Variants in RAB23 observed in about 807,000 individuals in gnomAD.
The protein encoded by RAB23 is RAB23, member RAS oncogene family.
A neutral mutation model predicts 30.0 loss-of-function variants in RAB23; 15 were observed. The observed-to-expected ratio is 0.50, with a 90% CI of 0.33 to 0.77. The LOEUF (loss-of-function observed/expected upper bound fraction) is 0.77. Among genes scored for constraint, RAB23 ranks in the 30% least tolerant of loss-of-function variants. The pLI is 0.02. For synonymous variants in RAB23, 93 were observed against 94.0 expected (o/e 0.99, Z 0.06); for missense variants, 243 against 275.4 (o/e 0.88, Z 0.83).
At chr6:57,195,811 T>A (rs566148361) in intron 4 of RAB23, among the ~76,000 whole-genome samples, 18 of 152,272 alleles carry the variant, frequency 1.2e-4, no homozygotes, top group African/African-American at 3.8e-4. Flanking sequence ...ATTCTCAAAC[T>A]CCTGATCTAC....
intron 2 of RAB23, among the ~76,000 whole-genome samples, chr6:57,209,510 T>A (rs769147610): frequency 6.6e-6 from 1 of 152,226 alleles, no homozygotes; most frequent in Non-Finnish European, 1.5e-5. Context: ...GACTAGAAAT[T>A]AATCTTTAAA....
chr6:57,197,912 CTTTG>C (rs1334755365), intron 3 of RAB23, among the ~76,000 whole-genome samples: 1 of 151,960 alleles, frequency 6.6e-6, no homozygotes, highest in Non-Finnish European at 1.5e-5. Context: ...ACAGCTAATT[CTTTG>C]TTTTTTTGTT....
At chr6:57,203,000 GT>G (rs1170559704) in intron 3 of RAB23, among the ~76,000 whole-genome samples, 7,938 of 82,366 alleles carry the variant, frequency 0.096, 62 homozygotes, top group Non-Finnish European at 0.12. Context: ...AAGATAGGCT[GT>G]TTTTTTTTTT....
chr6:57,212,718 C>CAAA (rs35931979), intron 1 of RAB23, among the ~76,000 whole-genome samples: 1 of 89,248 alleles, frequency 1.1e-5, no homozygotes, highest in Non-Finnish European at 2.4e-5. Context: ...CTGTCTCTAC[C>CAAA]AAAAAAAAAA....
chr6:57,197,249 G>T (rs952069947), intron 3 of RAB23, among the ~76,000 whole-genome samples: 3 of 152,074 alleles, frequency 2.0e-5, no homozygotes, highest in African/African-American at 7.2e-5. Context: ...GGGGTTGGGG[G>T]AAACTTAGTT....
chr6:57,199,953 T>C (rs568231927), intron 3 of RAB23, among the ~76,000 whole-genome samples: 216 of 152,330 alleles, frequency 1.4e-3, no homozygotes, highest in African/African-American at 5.0e-3. Context: ...ATGGTTCTTT[T>C]ATGTTTGGAA....
chr6:57,206,636 G>A (rs982485334), intron 3 of RAB23, among the ~76,000 whole-genome samples: 23 of 152,076 alleles, frequency 1.5e-4, no homozygotes, highest in Non-Finnish European at 2.6e-4. Context: ...GAGAAAAGAG[G>A]AGGAATGGTG....
rs144456434 is a variant in RAB23 at position 57,196,289 on chromosome 6, T to A, written c.398+161A>T. 3.5e-3 allele frequency among the ~76,000 whole-genome samples: 530 copies of A among 152,290 alleles called. 1 individual carries two copies. Among genetic ancestry groups the A allele is most frequent in the African/African-American group, 0.012 (511 of 41,568 alleles). ...TTTAACCCAAACCAATCACATAGAA[T>A]AGCTCACAGAAATTTTAGGTAAATT... On this transcript the variant is annotated intron_variant, in intron 4 of 6. Transcript: ENST00000468148.
intron 6 of RAB23, among the ~76,000 whole-genome samples, chr6:57,191,406 T>A (rs1764834423): frequency 6.6e-6 from 1 of 152,226 alleles, no homozygotes; most frequent in Non-Finnish European, 1.5e-5. Flanking sequence ...TCTTTTGACT[T>A]AACAATTTAT....
Position 57,188,427 on chromosome 6 carries a change from C to CT in RAB23, c.*2033dup, listed in dbSNP as rs1296255531. On this transcript the variant is annotated 3_prime_UTR_variant, in exon 7 of 7. Coordinates refer to ENST00000468148, the MANE Select transcript of RAB23 (RefSeq NM_016277.5). ...GAACTGTAACTATCCTCAGAGATTA[C>CT]TTTTTTTAAATATAGAAAGGTAACA... 1 of 152,112 alleles carries CT rather than the reference C, an allele frequency of 6.6e-6. No individual in the cohort carries two copies. The highest frequency in any genetic ancestry group is 1.5e-5 in the Non-Finnish European group (1 of 68,014). 9.4% of individuals were successfully genotyped at this position (152,112 alleles called of 1,614,324 possible). A position where few individuals can be genotyped will look rare whatever the true frequency, so the allele number is the denominator to read the frequency against.
intron 3 of RAB23, among the ~76,000 whole-genome samples, chr6:57,203,960 C>A (rs902957579): frequency 5.3e-5 from 8 of 152,120 alleles, no homozygotes; most frequent in Non-Finnish European, 7.4e-5. Context: ...AGTCAAGTTT[C>A]CTTGGTACCA....
intron 3 of RAB23, among the ~76,000 whole-genome samples, chr6:57,202,065 T>A (rs1183260432): frequency 6.6e-6 from 1 of 152,254 alleles, no homozygotes; most frequent in Non-Finnish European, 1.5e-5. Context: ...ATTGTTCTTT[T>A]TAAAATTTTA....
chr6:57,206,905 T>C (rs1645907918), intron 3 of RAB23, among the ~76,000 whole-genome samples: 1 of 152,224 alleles, frequency 6.6e-6, no homozygotes. Flanking sequence ...TAAATACCTG[T>C]CAATATGAAT....
At chr6:57,211,611 T>C (rs910214891) in intron 1 of RAB23, among the ~76,000 whole-genome samples, 3 of 152,230 alleles carry the variant, frequency 2.0e-5, no homozygotes, top group African/African-American at 7.2e-5. Context: ...TTTTGTATAA[T>C]AGTGTACGAC....
intron 3 of RAB23, among the ~76,000 whole-genome samples, chr6:57,196,824 T>C (rs1046712622): frequency 1.3e-5 from 2 of 152,168 alleles, no homozygotes; most frequent in Non-Finnish European, 2.9e-5. Flanking sequence ...ACTACTCTTC[T>C]TTACTTTTCA....
rs113491989 is a variant in RAB23, at chr6:57,199,277, A to C, written c.242-2671T>G. 4.7e-4 allele frequency among the ~76,000 whole-genome samples: 72 copies of C among 152,308 alleles called. 1 individual carries two copies. The highest frequency in any genetic ancestry group is 1.5e-3 in the African/African-American group (64 of 41,578). On this transcript the variant is annotated intron_variant, in intron 3 of 6. Coordinates refer to ENST00000468148, the MANE Select transcript of RAB23 (RefSeq NM_016277.5). The stretch of plus-strand genomic sequence containing the variant: ...GGCGGGGGGGTGGAATGAACACCTC[A>C]GCCTCCCTTTGGTGGGCTCCTGAGG...
At chr6:57,207,283 C>A (rs2128002687) in intron 3 of RAB23, among the ~76,000 whole-genome samples, 1 of 152,240 alleles carries the variant, frequency 6.6e-6, no homozygotes, top group South Asian at 2.1e-4. Flanking sequence ...ATCTTATTTG[C>A]CAGGGCTTTA....
chr6:57,198,878 A>T (rs928462978), intron 3 of RAB23, among the ~76,000 whole-genome samples: 5 of 152,228 alleles, frequency 3.3e-5, no homozygotes, highest in Non-Finnish European at 7.3e-5. Flanking sequence ...AGATAATGCC[A>T]GAGATACGGG....
At chr6:57,190,702 G>A in intron 6 of RAB23, 102 bp from the exon 7 acceptor site, 3 of 1,455,676 alleles carry the variant, frequency 2.1e-6, no homozygotes, top group African/African-American at 1.4e-5. Flanking sequence ...AGTATTTACA[G>A]TTTCTCTAAA....
Sources: allele counts gnomAD v4.1 joint callset (sites outside exome capture counted in the v4.1 genomes callset), GRCh38; gene constraint gnomAD v4.1.1; transcripts MANE v1.5; gene names NCBI Gene and HGNC (gene_info 2026-07-23, HGNC 2026-07-21).